The following CAPN2 variants were observed in gnomAD, a reference collection of about 807,000 sequenced individuals.
CAPN2 encodes calpain-2 catalytic subunit.
A neutral mutation model predicts 102.3 loss-of-function variants in CAPN2; 92 were observed. The ratio of observed to expected loss-of-function variants is 0.90; its 90% CI spans 0.76 to 1.07. The LOEUF is 1.07. Ranked by LOEUF, CAPN2 falls within the 50% of genes least tolerant of loss-of-function variation. The pLI is 0.00. For synonymous variants in CAPN2, 340 were observed against 355.4 expected (o/e 0.96, Z 0.49); for missense variants, 800 against 909.4 (o/e 0.88, Z 1.55).
In CAPN2 at chr1:223,755,957, C is replaced by G. The variant is rs370899970; in HGVS notation, c.1305+308C>G. Among the ~76,000 whole-genome samples, 38 of 152,342 alleles carry G rather than the reference C, an allele frequency of 2.5e-4. 1 individual carries two copies. In the East Asian group the frequency reaches 5.0e-3, roughly 20 times the overall value. On this transcript the variant is annotated intron_variant, in intron 10 of 20. Transcript: ENST00000295006. The surrounding 1 kb of genome is among the most constrained non-coding windows in gnomAD (Gnocchi z 4.1). ...CTCCAGGCCTGGCATTCTGGTCAGC[C>G]TACCCATCTTCAAAGAACAGAATAT...
chr1:223,749,246 C>A, intron 6 of CAPN2, 124 bp downstream of exon 6: 1 of 811,614 alleles, frequency 1.2e-6, no homozygotes, highest in Non-Finnish European at 2.0e-6. Flanking sequence ...TCGGGCCCCG[C>A]ACTCCTGAAG....
intron 9 of CAPN2, among the ~76,000 whole-genome samples, chr1:223,753,447 G>A (rs559945335): frequency 6.6e-6 from 1 of 152,378 alleles, no homozygotes; most frequent in East Asian, 1.9e-4. Flanking sequence ...ACTGGGCGCT[G>A]CCCAGATGGG....
chr1:223,730,587 A>G (rs1470109860), intron 2 of CAPN2, among the ~76,000 whole-genome samples: 1 of 152,172 alleles, frequency 6.6e-6, no homozygotes, highest in Non-Finnish European at 1.5e-5. Flanking sequence ...ATGCTCTACT[A>G]GAGTGTGGTT....
intron 11 of CAPN2, 137 bp downstream of exon 11, chr1:223,757,517 C>A: frequency 1.1e-6 from 1 of 933,784 alleles, no homozygotes; most frequent in Non-Finnish European, 1.7e-6. Context: ...ACCCCTGGGG[C>A]CCTGCTGAAG....
intron 2 of CAPN2, among the ~76,000 whole-genome samples, chr1:223,742,618 C>T (rs1660653386): frequency 6.7e-6 from 1 of 150,214 alleles, no homozygotes; most frequent in Non-Finnish European, 1.5e-5. Context: ...CTCCTGAGCT[C>T]AAATAGTCCT....
At chr1:223,746,667 A>G (rs1172654459) in intron 4 of CAPN2, among the ~76,000 whole-genome samples, 1 of 151,730 alleles carries the variant, frequency 6.6e-6, no homozygotes, top group African/African-American at 2.4e-5. Context: ...TTTAGTAGAG[A>G]TGGTGTTTTG....
At chr1:223,766,737 G>A (rs926905872) in intron 16 of CAPN2, among the ~76,000 whole-genome samples, 6 of 152,114 alleles carry the variant, frequency 3.9e-5, no homozygotes, top group African/African-American at 1.4e-4. Context: ...TGGGCCTCCT[G>A]ACTCACGAGG....
chr1:223,752,094 G>A (rs1660916757), intron 8 of CAPN2, 23 bp downstream of exon 8: 1 of 1,534,586 alleles, frequency 6.5e-7, no homozygotes, highest in Admixed American at 1.7e-5. Flanking sequence ...GAGGCTTCAG[G>A]GAAAGCTCTG....
At chr1:223,743,290 C>A (rs1169386423) in intron 2 of CAPN2, among the ~76,000 whole-genome samples, 1 of 152,142 alleles carries the variant, frequency 6.6e-6, no homozygotes, top group African/African-American at 2.4e-5. Flanking sequence ...GCACAGAAAC[C>A]CTTCGGGACA....
intron 2 of CAPN2, 148 bp downstream of exon 2, chr1:223,717,979 A>T (rs1659925670): frequency 1.5e-6 from 1 of 674,722 alleles, no homozygotes; most frequent in Non-Finnish European, 2.7e-6. Context: ...TCTTGGCCCT[A>T]GCGGGCAATG....
chr1:223,752,032 G>A lies in CAPN2; in HGVS notation c.935G>A (p.Arg312Lys). Residue 312 changes from arginine (R) to lysine (K), a missense_variant, in exon 8 of 21, where the codon AGG (arginine) becomes AAG (lysine). Arg to Lys is a conservative substitution (Grantham distance 26, BLOSUM62 2). Transcript: ENST00000295006. The part of the protein sequence containing the change: ...PSWNTIDPEE[R>K]ERLTRRHEDG... ...TGGAACACTATAGACCCAGAGGAGAGGGAAAGGCTGACCAGACGGCATGAA... is the reference window on the plus strand; with the variant it reads ...TGGAACACTATAGACCCAGAGGAGAAGGAAAGGCTGACCAGACGGCATGAA... The A allele has an allele frequency of 6.2e-7, 1 of 1,613,452 alleles. No individual in the cohort carries two copies.
At chr1:223,712,439 C>CCGGGCCGGGAGCCCAG, upstream of CAPN2, 3 of 1,111,488 alleles carry the variant, frequency 2.7e-6, no homozygotes, top group Non-Finnish European at 3.3e-6. Flanking sequence ...TGGCCTGGTC[C>CCGGGCCGGGAGCCCAG]CGGGCCGGGA....
At chr1:223,734,632 C>T (rs919900825) in intron 2 of CAPN2, among the ~76,000 whole-genome samples, 3 of 152,116 alleles carry the variant, frequency 2.0e-5, no homozygotes, top group African/African-American at 4.8e-5. Flanking sequence ...CCTCACCAGC[C>T]GGCACCCTTG....
intron 6 of CAPN2, chr1:223,749,535 G>A (rs1291045076): frequency 5.1e-6 from 1 of 196,256 alleles, no homozygotes; most frequent in African/African-American, 2.4e-5. Flanking sequence ...CCAGCTGTGT[G>A]GCCTGGGCCA....
At chr1:223,774,098 A>AGGAAACATTTCCT (rs1410478070) in intron 20 of CAPN2, among the ~76,000 whole-genome samples, 50 of 152,186 alleles carry the variant, frequency 3.3e-4, no homozygotes, top group African/African-American at 1.2e-3. Context: ...GCCACATGTT[A>AGGAAACATTTCCT]AGTTCTGGAA....
In CAPN2 at chr1:223,723,292, G is replaced by A. The variant is rs141258150; in HGVS notation, c.307+5461G>A. Among the ~76,000 whole-genome samples, 15 of 152,290 alleles carry A rather than the reference G, an allele frequency of 9.8e-5. No homozygotes were observed. The East Asian group carries it at 2.1e-3, about 22-fold the overall frequency. On this transcript the variant is annotated intron_variant, in intron 2 of 20. Transcript: ENST00000295006. Reference sequence around the variant, plus strand: ...ACTCCAGCCTGGTTCTGGAGCCACTGCACTCCAGCCTGGGCAACAGAGGGA... The same window carrying A: ...ACTCCAGCCTGGTTCTGGAGCCACTACACTCCAGCCTGGGCAACAGAGGGA...
At chr1:223,767,900 T>C (rs1167550645) in intron 16 of CAPN2, among the ~76,000 whole-genome samples, 5 of 151,190 alleles carry the variant, frequency 3.3e-5, no homozygotes. Context: ...TGTGAGATGG[T>C]ATCTCATTAT....
intron 2 of CAPN2, among the ~76,000 whole-genome samples, chr1:223,736,964 G>A (rs1013901322): frequency 3.3e-5 from 5 of 152,074 alleles, no homozygotes; most frequent in South Asian, 2.1e-4. Flanking sequence ...ACTTGAGCCC[G>A]GGAGGTCAAG....
rs532237596 is a variant in CAPN2, at chr1:223,765,748, G to A, written c.1691-619G>A. 2.1e-3 allele frequency among the ~76,000 whole-genome samples: 318 copies of A among 152,338 alleles called. 2 individuals are homozygous for A. Among genetic ancestry groups the A allele is most frequent in the Non-Finnish European group, 3.4e-3 (228 of 68,040 alleles). On this transcript the variant is annotated intron_variant, in intron 15 of 20. Coordinates refer to ENST00000295006, the MANE Select transcript of CAPN2 (RefSeq NM_001748.5). Reference sequence around the variant, plus strand: ...GCCCAGAGTGGCAGCTTTGAGGCAGGTCAGGCTCTAACCTCTTTCGGGGAC... The same window carrying A: ...GCCCAGAGTGGCAGCTTTGAGGCAGATCAGGCTCTAACCTCTTTCGGGGAC...
Sources: gnomAD v4.1 joint callset for allele counts (sites outside exome capture counted in the v4.1 genomes callset) on GRCh38, gnomAD v4.1.1 for gene constraint, Gnocchi (gnomAD v3.1) non-coding constraint, MANE v1.5 for transcripts, NCBI Gene and HGNC (gene_info 2026-07-23, HGNC 2026-07-21) for gene names.